Variants in CSMD3 observed in about 807,000 individuals in gnomAD.
The protein encoded by CSMD3 is CUB and Sushi multiple domains 3, also known as CUB and sushi domain-containing protein 3.
CSMD3 carries 177 observed loss-of-function variants against 435.2 expected under a neutral mutation model. The ratio of observed to expected loss-of-function variants is 0.41; its 90% confidence interval spans 0.36 to 0.46. CSMD3 has a LOEUF of 0.46. CSMD3 is among the 20% of genes least tolerant of loss of function. CSMD3 has a pLI of 0.34. For missense variants in CSMD3, 4,265 were observed against 4,504.6 expected (o/e 0.95, Z 1.52); for synonymous variants, 1,656 against 1,520.5 (o/e 1.09, Z -2.07).
intron 1 of CSMD3, among the ~76,000 whole-genome samples, chr8:113,428,705 T>C (rs560606145): frequency 3.6e-4 from 55 of 151,992 alleles, no homozygotes; most frequent in Non-Finnish European, 4.7e-4. Flanking sequence ...AACATAAGAA[T>C]GTCTCGTATC....
chr8:113,202,463 C>G (rs932835853), intron 3 of CSMD3, among the ~76,000 whole-genome samples: 1 of 152,066 alleles, frequency 6.6e-6, no homozygotes, highest in Admixed American at 6.6e-5. Flanking sequence ...GATTAGGCCT[C>G]CAGGGGGCAC....
chr8:112,519,211 A>C (rs1273761000), intron 27 of CSMD3, among the ~76,000 whole-genome samples: 1 of 152,194 alleles, frequency 6.6e-6, no homozygotes, highest in East Asian at 1.9e-4. Flanking sequence ...TTGTTTTATT[A>C]GATTTTAAGT....
At chr8:112,609,570 T>C (rs1391959805) in intron 22 of CSMD3, among the ~76,000 whole-genome samples, 1 of 152,166 alleles carries the variant, frequency 6.6e-6, no homozygotes, top group Non-Finnish European at 1.5e-5. Context: ...TTGGTGGGAA[T>C]TTAAGTTGGC....
chr8:113,261,017 T>C (rs967715586), intron 3 of CSMD3, among the ~76,000 whole-genome samples: 7 of 152,148 alleles, frequency 4.6e-5, no homozygotes, highest in African/African-American at 1.7e-4. Flanking sequence ...CTATTGTAAA[T>C]AGTACTTCAA....
At chr8:112,847,544 A>G (rs567957115) in intron 11 of CSMD3, among the ~76,000 whole-genome samples, 1 of 152,194 alleles carries the variant, frequency 6.6e-6, no homozygotes, top group South Asian at 2.1e-4. Flanking sequence ...TTTCTCCTGG[A>G]TACACTTTCT....
chr8:113,298,411 T>G (rs1417409128), intron 2 of CSMD3, among the ~76,000 whole-genome samples: 1 of 152,130 alleles, frequency 6.6e-6, no homozygotes, highest in Non-Finnish European at 1.5e-5. Context: ...TATAATCATT[T>G]TCAACATTTT....
chr8:112,592,709 T>C (rs1231181889), intron 22 of CSMD3, among the ~76,000 whole-genome samples: 1 of 152,154 alleles, frequency 6.6e-6, no homozygotes, highest in Non-Finnish European at 1.5e-5. Flanking sequence ...TTTCATTTTT[T>C]CTTCTTTCCA....
chr8:112,965,807 G>A (rs184174437), intron 7 of CSMD3, among the ~76,000 whole-genome samples: 2 of 151,524 alleles, frequency 1.3e-5, no homozygotes, highest in Admixed American at 1.3e-4. Flanking sequence ...AAACATAAAA[G>A]AATTAGAAAT....
chr8:113,210,003 G>GGTGTGTGTGTGTGT (rs3048831), intron 3 of CSMD3, among the ~76,000 whole-genome samples: 5 of 138,952 alleles, frequency 3.6e-5, no homozygotes, highest in Non-Finnish European at 6.4e-5. Flanking sequence ...TCTCCTAAAA[G>GGTGTGTGTGTGTGT]GTGTGTGTGT....
chr8:113,193,043 T>C (rs1256587803), intron 3 of CSMD3, among the ~76,000 whole-genome samples: 1 of 151,526 alleles, frequency 6.6e-6, no homozygotes, highest in Non-Finnish European at 1.5e-5. Flanking sequence ...TTGAACTGCT[T>C]ATACTCAAAG....
chr8:113,158,182 CAAA>C (rs59666468), intron 4 of CSMD3, among the ~76,000 whole-genome samples: 1 of 122,678 alleles, frequency 8.2e-6, no homozygotes. Flanking sequence ...AGTTCCAGAC[CAAA>C]AAAAAAAAAA....
chr8:112,342,995 A>ATT (rs1341786090), intron 41 of CSMD3, among the ~76,000 whole-genome samples: 29 of 29,618 alleles, frequency 9.8e-4, no homozygotes, highest in African/African-American at 2.1e-3. Context: ...ATTTATATAT[A>ATT]TATATTTATA....
chr8:112,405,436 T>C lies in CSMD3; in HGVS notation c.5809+1088A>G, dbSNP rs190260227. The stretch of plus-strand genomic sequence containing the variant: ...TATGTTCTTCGGGCAGAAAAGAGAG[T>C]AATTTCCCTACTTTCTATATTTTCT... On this transcript the variant is annotated intron_variant, in intron 35 of 70. Coordinates refer to ENST00000297405, the MANE Select transcript of CSMD3 (RefSeq NM_198123.2). Among the ~76,000 whole-genome samples the C allele has an allele frequency of 4.7e-5, 7 of 150,316 alleles. No homozygotes were observed. In the East Asian group the frequency reaches 1.2e-3, roughly 25 times the overall value.
chr8:113,210,244 C>T (rs1390757271), intron 3 of CSMD3, among the ~76,000 whole-genome samples: 1 of 151,972 alleles, frequency 6.6e-6, no homozygotes, highest in Non-Finnish European at 1.5e-5. Flanking sequence ...TCAGCGTGAT[C>T]CTGAAGCCTT....
At chr8:112,369,845 G>A (rs193165005) in intron 38 of CSMD3, among the ~76,000 whole-genome samples, 314 of 151,666 alleles carry the variant, frequency 2.1e-3, no homozygotes, top group African/African-American at 7.0e-3. Flanking sequence ...AAACCTGCAC[G>A]TTCTGCACAT....
At chr8:112,467,479 C>T (rs868290594) in intron 32 of CSMD3, among the ~76,000 whole-genome samples, 9 of 151,954 alleles carry the variant, frequency 5.9e-5, no homozygotes, top group South Asian at 4.1e-4. Flanking sequence ...ACAGCTGATG[C>T]GTGCTTTATA....
At chr8:112,564,257 A>G (rs1247760529) in intron 24 of CSMD3, among the ~76,000 whole-genome samples, 3 of 150,356 alleles carry the variant, frequency 2.0e-5, no homozygotes, top group Non-Finnish European at 4.4e-5. Context: ...GTCCCTTTCT[A>G]TAGGGAGGTT....
At chr8:113,296,746 T>A (rs1177982607) in intron 2 of CSMD3, among the ~76,000 whole-genome samples, 1 of 152,172 alleles carries the variant, frequency 6.6e-6, no homozygotes. Context: ...TCTTTCCTCC[T>A]TCTGTTTCTT....
At chr8:112,665,576 G>GT in intron 17 of CSMD3, among the ~76,000 whole-genome samples, 1 of 152,166 alleles carries the variant, frequency 6.6e-6, no homozygotes, top group African/African-American at 2.4e-5. Flanking sequence ...GCTTAAATAA[G>GT]TTTTTTTGTT....
Sources: gnomAD v4.1 joint callset for allele counts (sites outside exome capture counted in the v4.1 genomes callset) on GRCh38, gnomAD v4.1.1 for gene constraint, MANE v1.5 for transcripts, NCBI Gene and HGNC (gene_info 2026-07-23, HGNC 2026-07-21) for gene names.